UGT1A4: variants seen among roughly 807,000 people sequenced by gnomAD.
UGT1A4 encodes the protein UDP glucuronosyltransferase family 1 member A4.
In UGT1A4, 32 loss-of-function variants were observed where a neutral mutation model predicts 41.1. The observed-to-expected ratio is 0.78, with a 90% CI of 0.59 to 1.05. The LOEUF (loss-of-function observed/expected upper bound fraction) is 1.05. Ranked by LOEUF, UGT1A4 falls within the 50% of genes least tolerant of loss-of-function variation. The pLI is 0.00. For synonymous variants in UGT1A4, 283 were observed against 265.1 expected, an observed-to-expected ratio of 1.07 and a Z score of -0.66; for missense variants, 748 against 677.4, an observed-to-expected ratio of 1.10 and a Z score of -1.16.
chr2:233,772,713 T>G lies in UGT1A4; in HGVS notation c.*154T>G. ...GAGTGCTTTAAAAAATTCTCTTAAA[T>G]AAAAATAATAGACTCGCTAGTCAGT... On this transcript the variant is annotated 3_prime_UTR_variant, in exon 5 of 5. Transcript: ENST00000373409. The G allele has an allele frequency of 6.8e-7, 1 of 1,465,268 alleles. No individual in the cohort carries two copies. Among genetic ancestry groups the G allele is most frequent in the Non-Finnish European group, 9.0e-7 (1 of 1,113,920 alleles). 90.8% of individuals were successfully genotyped at this position (1,465,268 alleles called of 1,614,324 possible).
chr2:233,719,744 T>C, intron 1 of UGT1A4, 57 bp downstream of exon 1: 2 of 1,612,994 alleles, frequency 1.2e-6, no homozygotes, highest in South Asian at 1.1e-5. Context: ...TTTTAAAAAA[T>C]GTATTTACTT....
intron 1 of UGT1A4, among the ~76,000 whole-genome samples, chr2:233,733,657 G>A (rs1194673085): frequency 2.0e-5 from 3 of 152,158 alleles, no homozygotes; most frequent in South Asian, 2.1e-4. Context: ...GGATGAAGCC[G>A]ACTTGATCGA....
intron 1 of UGT1A4, among the ~76,000 whole-genome samples, chr2:233,766,038 C>T (rs1161510573): frequency 6.6e-6 from 1 of 152,144 alleles, no homozygotes; most frequent in African/African-American, 2.4e-5. Context: ...CCTCTATAGT[C>T]AGCTTGTGTT....
In UGT1A4 at chr2:233,725,264, G is replaced by GGCAGAGGCAGAGGCAGAGGCA. The variant is rs1216362118; in HGVS notation, c.867+5578_867+5579insCAGAGGCAGAGGCAGAGGCAG. On this transcript the variant is annotated intron_variant, in intron 1 of 4. Coordinates refer to ENST00000373409, the MANE Select transcript of UGT1A4 (RefSeq NM_007120.3). Reference sequence around the variant, plus strand: ...CAGAGGCAGAGGAGGCAGAGGCAGAGGAGGCAGAGGCAGAGGCAGAGGCAG... The same window carrying GGCAGAGGCAGAGGCAGAGGCA: ...CAGAGGCAGAGGAGGCAGAGGCAGAGGCAGAGGCAGAGGCAGAGGCAGAGGCAGAGGCAGAGGCAGAGGCAG... Among the ~76,000 whole-genome samples, 2 of 58,548 alleles carry GGCAGAGGCAGAGGCAGAGGCA rather than the reference G, an allele frequency of 3.4e-5. 1 individual carries two copies. Among genetic ancestry groups the GGCAGAGGCAGAGGCAGAGGCA allele is most frequent in the African/African-American group, 2.6e-4 (2 of 7,634 alleles). 38.4% of individuals were successfully genotyped at this position (58,548 alleles called of 152,430 possible). A position where few individuals can be genotyped will look rare whatever the true frequency, so the allele number is the denominator to read the frequency against.
chr2:233,747,196 T>C, intron 1 of UGT1A4: 1 of 1,604,480 alleles, frequency 6.2e-7, no homozygotes, highest in Non-Finnish European at 8.5e-7. Flanking sequence ...CAGTCAGCTG[T>C]CCGTGTCTTC....
intron 1 of UGT1A4, among the ~76,000 whole-genome samples, chr2:233,724,349 A>T (rs1243720800): frequency 1.6e-5 from 2 of 126,414 alleles, no homozygotes; most frequent in Admixed American, 7.8e-5. Flanking sequence ...GACCCCCCCC[A>T]CCTCCCTCCC....
chr2:233,768,055 T>C, intron 3 of UGT1A4, 119 bp downstream of exon 3: 1 of 1,603,392 alleles, frequency 6.2e-7, no homozygotes, highest in Non-Finnish European at 8.5e-7. Context: ...ATATCCTACA[T>C]TGCTTTTTAT....
chr2:233,729,557 C>G lies in UGT1A4; in HGVS notation c.867+9870C>G, dbSNP rs13406898. 29 of 1,614,152 alleles carry G rather than the reference C, an allele frequency of 1.8e-5. No individual in the cohort carries two copies. The South Asian group carries it at 3.0e-4, about 16-fold the overall frequency. On this transcript the variant is annotated intron_variant, in intron 1 of 4. Transcript: ENST00000373409. ...GCCCTGATCAGGCACCTGAATGCTA[C>G]TTCCTTTGATGTGGTTTTAACAGAC...
At chr2:233,729,381 C>T (rs141683822) in intron 1 of UGT1A4, 80 of 1,613,822 alleles carry the variant, frequency 5.0e-5, no homozygotes, top group Non-Finnish European at 6.7e-5. Flanking sequence ...TTTCGTGGAC[C>T]CAGGATGAAT....
chr2:233,724,456 G>C (rs1266099425), intron 1 of UGT1A4, among the ~76,000 whole-genome samples: 1 of 126,638 alleles, frequency 7.9e-6, no homozygotes, highest in African/African-American at 3.1e-5. Flanking sequence ...GGCAGCTGCC[G>C]GGCGGAGGGG....
At chr2:233,731,438 C>G (rs1329766124) in intron 1 of UGT1A4, among the ~76,000 whole-genome samples, 1 of 152,078 alleles carries the variant, frequency 6.6e-6, no homozygotes, top group African/African-American at 2.4e-5. Context: ...CTCCCCCAGT[C>G]CCCCACCCCA....
intron 1 of UGT1A4, among the ~76,000 whole-genome samples, chr2:233,727,126 AG>A (rs2077585315): frequency 1.3e-5 from 2 of 152,202 alleles, no homozygotes; most frequent in Non-Finnish European, 2.9e-5. Flanking sequence ...AGATTGGCAG[AG>A]GGGAACAAGA....
At position 233,742,113 on chromosome 2, in the gene UGT1A4, C is replaced by T. The variant is rs368055004; in HGVS notation, c.867+22426C>T. On this transcript the variant is annotated intron_variant, in intron 1 of 4. Coordinates refer to ENST00000373409, the MANE Select transcript of UGT1A4 (RefSeq NM_007120.3). ...TTCCAGGACCCACTGCCAAGACCAGCTTGGTCGTGGAGACCCTAACCCAGC... is the reference window on the plus strand; with the variant it reads ...TTCCAGGACCCACTGCCAAGACCAGTTTGGTCGTGGAGACCCTAACCCAGC... 2.0e-4 allele frequency among the ~76,000 whole-genome samples: 30 copies of T among 151,982 alleles called. 1 individual carries two copies. The highest frequency in any genetic ancestry group is 7.0e-4 in the African/African-American group (29 of 41,250).
intron 1 of UGT1A4, among the ~76,000 whole-genome samples, chr2:233,759,764 A>G (rs1348961231): frequency 6.6e-6 from 1 of 152,112 alleles, no homozygotes; most frequent in Non-Finnish European, 1.5e-5. Context: ...GACTCAATAA[A>G]TATTGTTGGA....
intron 1 of UGT1A4, among the ~76,000 whole-genome samples, chr2:233,749,118 C>G (rs1694113620): frequency 6.6e-6 from 1 of 151,770 alleles, no homozygotes; most frequent in Non-Finnish European, 1.5e-5. Context: ...CTTTTTATGT[C>G]ATATTCACTG....
At chr2:233,751,583 A>G (rs1290710025) in intron 1 of UGT1A4, among the ~76,000 whole-genome samples, 1 of 152,192 alleles carries the variant, frequency 6.6e-6, no homozygotes, top group Non-Finnish European at 1.5e-5. Flanking sequence ...CATAATTCCC[A>G]TGTGTTAAGG....
intron 1 of UGT1A4, among the ~76,000 whole-genome samples, chr2:233,733,221 G>T (rs531413389): frequency 2.6e-5 from 4 of 152,188 alleles, no homozygotes; most frequent in African/African-American, 2.4e-5. Flanking sequence ...GAGACAATGG[G>T]GTTTTCTAAA....
Position 233,719,442 on chromosome 2 carries a change from C to A in UGT1A4, c.622C>A (p.Leu208Met), listed in dbSNP as rs1309137091. ...LTTNSDHMTF[L>M]QRVKNMLYPL... is the part of the protein sequence containing the mutation. Reference sequence around the variant, plus strand: ...GACCAATTCAGACCACATGACATTCCTGCAAAGGGTCAAGAACATGCTCTA... The same window carrying A: ...GACCAATTCAGACCACATGACATTCATGCAAAGGGTCAAGAACATGCTCTA... Residue 208 changes from leucine to methionine, a missense_variant, in exon 1 of 5, where the codon CTG becomes ATG. Physicochemically the swap from Leu to Met is conservative, Grantham distance 15. Coordinates refer to ENST00000373409, the MANE Select transcript of UGT1A4 (RefSeq NM_007120.3). The A allele has an allele frequency of 1.5e-5, 25 of 1,613,838 alleles. No individual in the cohort carries two copies. The East Asian group carries it at 1.6e-4, about 10-fold the overall frequency.
chr2:233,759,624 A>G (rs1433114385), intron 1 of UGT1A4, among the ~76,000 whole-genome samples: 1 of 80,994 alleles, frequency 1.2e-5, no homozygotes, highest in Non-Finnish European at 2.2e-5. Context: ...CCACCTGTTC[A>G]TTTCCTTCTT....
Sources: gnomAD v4.1 joint callset for allele counts (sites outside exome capture counted in the v4.1 genomes callset) on GRCh38, gnomAD v4.1.1 for gene constraint, MANE v1.5 for transcripts, NCBI Gene and HGNC (gene_info 2026-07-23, HGNC 2026-07-21) for gene names.